Variants in HARBI1 observed in about 807,000 individuals in gnomAD.
HARBI1 encodes the protein putative nuclease HARBI1.
Under a neutral mutation model 25.3 loss-of-function variants are expected in HARBI1, and 15 were observed. The ratio of observed to expected loss-of-function variants is 0.59; its 90% CI spans 0.40 to 0.91. HARBI1 has a LOEUF of 0.91. Among genes scored for constraint, HARBI1 ranks in the 40% least tolerant of loss-of-function variants. The pLI, the probability that HARBI1 is intolerant of heterozygous loss-of-function variation, is 0.00. For synonymous variants in HARBI1, 168 were observed against 160.5 expected, an observed-to-expected ratio of 1.05 and a Z score of -0.35; for missense variants, 396 against 445.8, an observed-to-expected ratio of 0.89 and a Z score of 1.01.
upstream of HARBI1, chr11:46,617,540 A>ACCCCCCC (rs1248618726): frequency 2.5e-5 from 2 of 80,260 alleles, no homozygotes; most frequent in African/African-American, 6.3e-5. Flanking sequence ...GCCCTCTTTC[A>ACCCCCCC]CCCCCCCCCC....
intron 2 of HARBI1, among the ~76,000 whole-genome samples, chr11:46,607,437 C>T (rs1227205142): frequency 6.6e-6 from 1 of 151,866 alleles, no homozygotes; most frequent in Admixed American, 6.6e-5. Flanking sequence ...AATACTAAAA[C>T]AAGAGCATAA....
In HARBI1 at chr11:46,615,596, C is replaced by G; in HGVS notation, c.642G>C (p.Ala214=). 6.2e-7 allele frequency: 1 copy of G among 1,614,062 alleles called. No individual in the cohort carries two copies. Among genetic ancestry groups the G allele is most frequent in the South Asian group, 1.1e-5 (1 of 91,074 alleles). Residue 214 remains alanine, a synonymous_variant, in exon 2 of 3, where the codon GCG becomes GCC. Coordinates refer to ENST00000326737, the MANE Select transcript of HARBI1 (RefSeq NM_173811.4). ...GAAGCCAGCTATCTTTGTGCATACC[C>G]GCTTCAAACTGACTACTGAGGGAAG... The part of the protein sequence containing the change: ...QQSSLSSQFE[A]GMHKDSWLLG...
intron 2 of HARBI1, among the ~76,000 whole-genome samples, chr11:46,615,063 C>A (rs935914387): frequency 6.6e-6 from 1 of 151,960 alleles, no homozygotes; most frequent in Admixed American, 6.6e-5. Context: ...CAGGCATGCG[C>A]TACTACGCCC....
intron 2 of HARBI1, among the ~76,000 whole-genome samples, chr11:46,612,720 G>C (rs1445220981): frequency 6.6e-6 from 1 of 151,258 alleles, no homozygotes; most frequent in Non-Finnish European, 1.5e-5. Context: ...GCCCAGGCTG[G>C]AGTGCAATGG....
In HARBI1 at chr11:46,617,056, G is replaced by A. The variant is rs117667452; in HGVS notation, c.-145+68C>T. ...GAAGCGACTCTGCCACTTTTAAAGG[G>A]CACCCTAAAAACGGATGTCAAAGTC... On this transcript the variant is annotated intron_variant, in intron 1 of 2. Coordinates refer to ENST00000326737, the MANE Select transcript of HARBI1 (RefSeq NM_173811.4). 5,410 of 961,758 alleles carry A rather than the reference G, an allele frequency of 5.6e-3. 22 individuals carry two copies. Among genetic ancestry groups the A allele is most frequent in the Non-Finnish European group, 6.1e-3 (4,967 of 808,432 alleles). The allele number at this position is 961,758 out of a possible 1,614,324, so 59.6% of individuals were successfully genotyped here.
chr11:46,611,835 C>T (rs2045195534), intron 2 of HARBI1, among the ~76,000 whole-genome samples: 1 of 151,986 alleles, frequency 6.6e-6, no homozygotes, highest in South Asian at 2.1e-4. Context: ...TCTACTTTCC[C>T]ACACTTCTTG....
At chr11:46,613,630 G>C (rs535121227) in intron 2 of HARBI1, among the ~76,000 whole-genome samples, 1 of 151,698 alleles carries the variant, frequency 6.6e-6, no homozygotes, top group South Asian at 2.1e-4. Flanking sequence ...TTATAGGCGC[G>C]CACCACCATG....
At position 46,616,182 on chromosome 11, in the gene HARBI1, T is replaced by C. The variant is rs1306255552; in HGVS notation, c.56A>G (p.His19Arg). The change falls in exon 2 of 3, where the codon CAC (histidine) becomes CGC (arginine). Residue 19 changes from histidine to arginine, a missense_variant. Transcript: ENST00000326737. ...DCDLLLYGRGHRTLDRFKLDD... is the reference protein window; with the variant it reads ...DCDLLLYGRGRRTLDRFKLDD... ...CAGCTTAAAACGGTCCAATGTCCGG[T>C]GACCACGGCCATATAGCAAGAGGTC... 6.2e-7 allele frequency: 1 copy of C among 1,613,458 alleles called. No homozygotes were observed. The highest frequency in any genetic ancestry group is 1.1e-5 in the South Asian group (1 of 91,090).
intron 2 of HARBI1, chr11:46,604,814 A>C: frequency 2.1e-6 from 1 of 470,996 alleles, no homozygotes; most frequent in Non-Finnish European, 2.8e-6. Context: ...CATACATATA[A>C]TCATGCAAAT....
In HARBI1 at chr11:46,615,774, A is replaced by G. The variant is rs1402178803; in HGVS notation, c.464T>C (p.Ile155Thr). The change falls in exon 2 of 3, where the codon ATC becomes ACC. Residue 155 changes from isoleucine (I) to threonine (T), a missense_variant. Physicochemically the swap from Ile to Thr is moderately conservative, Grantham distance 89. Coordinates refer to ENST00000326737, the MANE Select transcript of HARBI1 (RefSeq NM_173811.4). ...MGVVDCIHVA[I>T]KAPNAEDLSY... ...GAGGTCTTCAGCATTTGGTGCCTTG[A>G]TGGCCACATGGATACAGTCAACCAC... is the stretch of plus-strand genomic sequence containing the variant. The G allele has an allele frequency of 6.2e-7, 1 of 1,614,018 alleles. No individual in the cohort carries two copies. Among genetic ancestry groups the G allele is most frequent in the Non-Finnish European group, 8.5e-7 (1 of 1,180,044 alleles).
In HARBI1 at chr11:46,603,236, A is replaced by T; in HGVS notation, c.*294T>A. The T allele has an allele frequency of 9.4e-6, 2 of 212,644 alleles. No homozygotes were observed. Among genetic ancestry groups the T allele is most frequent in the East Asian group, 1.1e-4 (1 of 9,424 alleles). 13.2% of individuals were successfully genotyped at this position (212,644 alleles called of 1,614,324 possible). A position where few individuals can be genotyped will look rare whatever the true frequency, so the allele number is the denominator to read the frequency against. ...CTCCTGACCTTTACTATGACTTTGT[A>T]GGCACAGTCATAAATGTTTGCAACC... On this transcript the variant is annotated 3_prime_UTR_variant, in exon 3 of 3. Coordinates refer to ENST00000326737, the MANE Select transcript of HARBI1 (RefSeq NM_173811.4).
intron 2 of HARBI1, among the ~76,000 whole-genome samples, chr11:46,607,175 C>T (rs1482747769): frequency 6.7e-6 from 1 of 149,302 alleles, no homozygotes; most frequent in African/African-American, 2.5e-5. Flanking sequence ...AGGTAGAAAA[C>T]TGTTTGAACC....
rs1314003052 is a variant in HARBI1 at position 46,603,468 on chromosome 11, G to C, written c.*62C>G. 1.8e-5 allele frequency: 25 copies of C among 1,397,120 alleles called. No individual in the cohort carries two copies. Among genetic ancestry groups the C allele is most frequent in the Non-Finnish European group, 2.4e-5 (24 of 1,020,022 alleles). The allele number at this position is 1,397,120 out of a possible 1,614,324, so 86.5% of individuals were successfully genotyped here. A position where few individuals can be genotyped will look rare whatever the true frequency, so the allele number is the denominator to read the frequency against. Reference sequence around the variant, plus strand: ...TGCTAGATGATGGAACTGTGTAAAAGGTGATGAGGAGGAAAGTCTGTCACA... The same window carrying C: ...TGCTAGATGATGGAACTGTGTAAAACGTGATGAGGAGGAAAGTCTGTCACA... On this transcript the variant is annotated 3_prime_UTR_variant, in exon 3 of 3. Coordinates refer to ENST00000326737, the MANE Select transcript of HARBI1 (RefSeq NM_173811.4).
At chr11:46,616,813 T>C in intron 1 of HARBI1, 2 of 218,090 alleles carry the variant, frequency 9.2e-6, no homozygotes, top group South Asian at 3.5e-4. Context: ...CAAACCAGTC[T>C]AACAAGAAAA....
intron 2 of HARBI1, among the ~76,000 whole-genome samples, chr11:46,608,299 A>G (rs1565346953): frequency 6.6e-6 from 1 of 151,856 alleles, no homozygotes; most frequent in East Asian, 1.9e-4. Context: ...ACTCCATCTC[A>G]AACAACAACA....
At chr11:46,614,249 G>A (rs1307839806) in intron 2 of HARBI1, among the ~76,000 whole-genome samples, 2 of 151,918 alleles carry the variant, frequency 1.3e-5, no homozygotes, top group South Asian at 4.2e-4. Context: ...CCAACATGGT[G>A]AAACCCCGTC....
In HARBI1 at chr11:46,615,801, C is replaced by T. The variant is rs2045385689; in HGVS notation, c.437G>A (p.Gly146Glu). The T allele has an allele frequency of 6.2e-7, 1 of 1,614,168 alleles. No individual in the cohort carries two copies. The highest frequency in any genetic ancestry group is 8.5e-7 in the Non-Finnish European group (1 of 1,180,020). Residue 146 changes from glycine (G) to glutamate (E), a missense_variant, in exon 2 of 3, where the codon GGG becomes GAG. By Grantham distance (98) the Gly-to-Glu change is moderately conservative (BLOSUM62 -2). Transcript: ENST00000326737. ...YGLAGMPGVM[G>E]VVDCIHVAIK... is the part of the protein sequence containing the mutation. ...GGCCACATGGATACAGTCAACCACC[C>T]CCATCACCCCTGGCATCCCTGCCAA...
Position 46,608,438 on chromosome 11 carries a change from T to C in HARBI1, c.671-4529A>G, listed in dbSNP as rs566479436. On this transcript the variant is annotated intron_variant, in intron 2 of 2. Coordinates refer to ENST00000326737, the MANE Select transcript of HARBI1 (RefSeq NM_173811.4). ...ACACAACCTTTAGAGACTAGTGTTTTCCAAATCTGTCTATTCATATGAATG... is the reference window on the plus strand; with the variant it reads ...ACACAACCTTTAGAGACTAGTGTTTCCCAAATCTGTCTATTCATATGAATG... Among the ~76,000 whole-genome samples, 3 of 152,248 alleles carry C rather than the reference T, an allele frequency of 2.0e-5. No homozygotes were observed. The South Asian group carries it at 6.2e-4, about 32-fold the overall frequency.
chr11:46,613,841 T>G (rs1274910000), intron 2 of HARBI1, among the ~76,000 whole-genome samples: 2 of 151,944 alleles, frequency 1.3e-5, no homozygotes, highest in Non-Finnish European at 2.9e-5. Context: ...TTTATATTAT[T>G]ATTACTTTTC....
Sources: gnomAD v4.1 joint callset for allele counts (sites outside exome capture counted in the v4.1 genomes callset) on GRCh38, gnomAD v4.1.1 for gene constraint, MANE v1.5 for transcripts, NCBI Gene and HGNC (gene_info 2026-07-23, HGNC 2026-07-21) for gene names.